C19orf25: variants seen among roughly 807,000 people sequenced by gnomAD.
The protein encoded by C19orf25 is UPF0449 protein C19orf25.
A neutral mutation model predicts 3.1 loss-of-function variants in C19orf25; 1 was observed. The observed-to-expected ratio is 0.32, with a 90% CI of 0.12 to 1.54. The LOEUF (loss-of-function observed/expected upper bound fraction) is 1.54, where lower values mean the gene tolerates loss of function less well. Among genes scored for constraint, C19orf25 ranks in the 40% most tolerant of loss-of-function variants. The probability of loss-of-function intolerance (pLI) is 0.38; values close to 1 mark genes in which losing one functional copy is unlikely to be tolerated. For synonymous variants in C19orf25, 91 were observed against 74.3 expected (o/e 1.23, Z -1.16); for missense variants, 196 against 160.4 (o/e 1.22, Z -1.20).
chr19:1,476,836 G>T (rs887568253), intron 2 of C19orf25, among the ~76,000 whole-genome samples: 15 of 152,090 alleles, frequency 9.9e-5, no homozygotes, highest in African/African-American at 3.6e-4. Context: ...GGCTGGTCTT[G>T]AACTCCTGGC....
intron 2 of C19orf25, chr19:1,478,423 GTT>G: frequency 1.0e-5 from 5 of 481,904 alleles, no homozygotes; most frequent in Non-Finnish European, 1.3e-5. Context: ...TTTTGTTTTT[GTT>G]TTTGTTTTTG....
At chr19:1,476,017 T>C (rs1446018079) in intron 2 of C19orf25, 5 of 394,802 alleles carry the variant, frequency 1.3e-5, no homozygotes, top group Non-Finnish European at 2.2e-5. Flanking sequence ...TGCAACCTCC[T>C]GGAGCACACA....
At chr19:1,477,352 A>C (rs1599178533) in intron 2 of C19orf25, among the ~76,000 whole-genome samples, 1 of 152,294 alleles carries the variant, frequency 6.6e-6, no homozygotes, top group African/African-American at 2.4e-5. Flanking sequence ...TGGGGCAGAC[A>C]TTCTTGTTTC....
At position 1,478,542 on chromosome 19, in the gene C19orf25, G is replaced by A; in HGVS notation, c.130+232C>T. On this transcript the variant is annotated intron_variant, in intron 2 of 2. Transcript: ENST00000585675. The stretch of plus-strand genomic sequence containing the variant: ...TCCCGCCTCATCCTCCGAAAGTGCT[G>A]GGCTTACAGGCCTGAACCACAGCGC... 2.3e-6 allele frequency: 3 copies of A among 1,288,434 alleles called. No individual in the cohort carries two copies. The South Asian group carries it at 6.1e-5, about 26-fold the overall frequency. The allele number at this position is 1,288,434 out of a possible 1,614,324, so 79.8% of individuals were successfully genotyped here. A position where few individuals can be genotyped will look rare whatever the true frequency, so the allele number is the denominator to read the frequency against.
intron 2 of C19orf25, among the ~76,000 whole-genome samples, chr19:1,477,524 G>A (rs930054574): frequency 3.9e-5 from 6 of 152,296 alleles, no homozygotes; most frequent in Admixed American, 1.3e-4. Flanking sequence ...CTTCCACCTC[G>A]TAAATCAGGA....
rs2084170732 is a variant in C19orf25 at position 1,473,493 on chromosome 19, G to A, written c.*1539C>T. Reference sequence around the variant, plus strand: ...CAGGGGGTGCACAGCACCCCAGACAGGGGGTCCAACCTGGGCATTGGTACC... The same window carrying A: ...CAGGGGGTGCACAGCACCCCAGACAAGGGGTCCAACCTGGGCATTGGTACC... On this transcript the variant is annotated 3_prime_UTR_variant, in exon 3 of 3. Transcript: ENST00000585675. The A allele has an allele frequency of 6.6e-6, 1 of 152,298 alleles. No homozygotes were observed. The highest frequency in any genetic ancestry group is 2.1e-4 in the South Asian group (1 of 4,832). 9.4% of individuals were successfully genotyped at this position (152,298 alleles called of 1,614,324 possible).
rs983028672 is a variant in C19orf25, at chr19:1,474,066, G to A, written c.*966C>T. 2 of 152,218 alleles carry A rather than the reference G, an allele frequency of 1.3e-5. No homozygotes were observed. The highest frequency in any genetic ancestry group is 3.9e-4 in the East Asian group (2 of 5,194). 9.4% of individuals were successfully genotyped at this position (152,218 alleles called of 1,614,324 possible). The stretch of plus-strand genomic sequence containing the variant: ...CAGGCGGACGGTCCCTGCATGCAGT[G>A]CCCGGCAGGACTGAGCAGGGTTCCC... On this transcript the variant is annotated 3_prime_UTR_variant, in exon 3 of 3. Transcript: ENST00000585675.
chr19:1,476,548 G>A (rs1012517919), intron 2 of C19orf25: 18 of 365,510 alleles, frequency 4.9e-5, no homozygotes, highest in African/African-American at 3.1e-4. Flanking sequence ...CAGATGATGC[G>A]CACACCTCCC....
At chr19:1,477,501 G>A (rs1217863905) in intron 2 of C19orf25, among the ~76,000 whole-genome samples, 1 of 152,194 alleles carries the variant, frequency 6.6e-6, no homozygotes, top group Non-Finnish European at 1.5e-5. Context: ...TGAATCCTTT[G>A]GTCTCTGACT....
intron 2 of C19orf25, among the ~76,000 whole-genome samples, chr19:1,476,700 T>C (rs1161398641): frequency 1.3e-5 from 2 of 152,174 alleles, no homozygotes; most frequent in Non-Finnish European, 2.9e-5. Context: ...GGCTGGAGAC[T>C]CCAACTCCTG....
rs1568194610 is a variant in C19orf25 at position 1,478,858 on chromosome 19, C to T, written c.46G>A (p.Ala16Thr). The T allele has an allele frequency of 1.9e-6, 3 of 1,594,596 alleles. No individual in the cohort carries two copies. The highest frequency in any genetic ancestry group is 2.6e-6 in the Non-Finnish European group (3 of 1,172,420). Residue 16 changes from alanine (A) to threonine (T), a missense_variant, in exon 2 of 3, where the codon GCG becomes ACG. Transcript: ENST00000585675. ...AGGATCTGCTCCACCGTGGGGGGCG[C>T]TGGGCGGGTGGGCAGCAGCACGCGC... Reference protein sequence around the residue: ...KKRVLLPTRPAPPTVEQILED... With the variant: ...KKRVLLPTRPTPPTVEQILED...
At position 1,479,203 on chromosome 19, in the gene C19orf25, C is replaced by A. The variant is rs2084239524; in HGVS notation, c.-43G>T. ...GAAAGCCCAGCGTCGACGACGCAGC[C>A]ACTTCCGATTCCGGTCGGAGCACCG... On this transcript the variant is annotated 5_prime_UTR_variant, in exon 1 of 3. Transcript: ENST00000585675. 4 of 1,254,080 alleles carry A rather than the reference C, an allele frequency of 3.2e-6. No individual in the cohort carries two copies. Among genetic ancestry groups the A allele is most frequent in the Non-Finnish European group, 4.0e-6 (4 of 998,166 alleles). 77.7% of individuals were successfully genotyped at this position (1,254,080 alleles called of 1,614,324 possible).
rs1008655558 is a variant in C19orf25 at position 1,474,148 on chromosome 19, A to G, written c.*884T>C. 1 of 152,210 alleles carries G rather than the reference A, an allele frequency of 6.6e-6. No individual in the cohort carries two copies. The highest frequency in any genetic ancestry group is 6.5e-5 in the Admixed American group (1 of 15,282). The allele number at this position is 152,210 out of a possible 1,614,324, so 9.4% of individuals were successfully genotyped here. On this transcript the variant is annotated 3_prime_UTR_variant, in exon 3 of 3. Coordinates refer to ENST00000585675, the MANE Select transcript of C19orf25 (RefSeq NM_152482.3). The stretch of plus-strand genomic sequence containing the variant: ...CCGGGGCCCCGGGACGGAGCCGCTC[A>G]CAGAGGCACCATTCAGACGGCCAGA...
Position 1,473,369 on chromosome 19 carries a change from A to T in C19orf25, c.*1663T>A, listed in dbSNP as rs2084168327. 1 of 152,264 alleles carries T rather than the reference A, an allele frequency of 6.6e-6. No individual in the cohort carries two copies. The highest frequency in any genetic ancestry group is 1.5e-5 in the Non-Finnish European group (1 of 68,074). The allele number at this position is 152,264 out of a possible 1,614,324, so 9.4% of individuals were successfully genotyped here. ...CTGGAAGCAGAGCCAGAAAGCAGAA[A>T]CTGGGGGCACAGGGTTTGTGGGCAC... On this transcript the variant is annotated 3_prime_UTR_variant, in exon 3 of 3. Coordinates refer to ENST00000585675, the MANE Select transcript of C19orf25 (RefSeq NM_152482.3).
chr19:1,476,789 G>A (rs2084209776), intron 2 of C19orf25, among the ~76,000 whole-genome samples: 1 of 151,892 alleles, frequency 6.6e-6, no homozygotes. Flanking sequence ...GCTAGTTTGT[G>A]TATTTTTGGT....
At position 1,478,812 on chromosome 19, in the gene C19orf25, G is replaced by A. The variant is rs1284154693; in HGVS notation, c.92C>T (p.Pro31Leu). The change falls in exon 2 of 3, where the codon CCG (proline) becomes CTG (leucine). Residue 31 changes from proline to leucine, a missense_variant. Pro to Leu is a moderately conservative substitution (Grantham distance 98). Transcript: ENST00000585675. ...GATGGTGAACACTGGATCCTCTGCC[G>A]GCGCACCCCGCACATCCTCCAGGAT... ...EQILEDVRGA[P>L]AEDPVFTILA... 1.3e-6 allele frequency: 2 copies of A among 1,586,728 alleles called. No individual in the cohort carries two copies. Among genetic ancestry groups the A allele is most frequent in the Admixed American group, 3.5e-5 (2 of 56,710 alleles).
chr19:1,474,994 C>A lies in C19orf25; in HGVS notation c.*38G>T. ...CCCCAGGGAAAGCCTGGGTGCAGGCCACCTTGTGCGCTGCCCAAGCCTGCA... is the reference window on the plus strand; with the variant it reads ...CCCCAGGGAAAGCCTGGGTGCAGGCAACCTTGTGCGCTGCCCAAGCCTGCA... On this transcript the variant is annotated 3_prime_UTR_variant, in exon 3 of 3. Transcript: ENST00000585675. 6.5e-7 allele frequency: 1 copy of A among 1,547,018 alleles called. No homozygotes were observed. Among genetic ancestry groups the A allele is most frequent in the African/African-American group, 1.4e-5 (1 of 73,454 alleles).
Position 1,474,087 on chromosome 19 carries a change from T to C in C19orf25, c.*945A>G, listed in dbSNP as rs1445290455. The stretch of plus-strand genomic sequence containing the variant: ...CAGTGCCCGGCAGGACTGAGCAGGG[T>C]TCCCGGGGTCGCCGGTACCCATCCC... On this transcript the variant is annotated 3_prime_UTR_variant, in exon 3 of 3. Coordinates refer to ENST00000585675, the MANE Select transcript of C19orf25 (RefSeq NM_152482.3). 6.6e-6 allele frequency: 1 copy of C among 152,120 alleles called. No homozygotes were observed. Among genetic ancestry groups the C allele is most frequent in the African/African-American group, 2.4e-5 (1 of 41,406 alleles). The allele number at this position is 152,120 out of a possible 1,614,324, so 9.4% of individuals were successfully genotyped here.
intron 2 of C19orf25, among the ~76,000 whole-genome samples, chr19:1,477,323 C>T (rs996070350): frequency 5.3e-5 from 8 of 152,310 alleles, no homozygotes; most frequent in Non-Finnish European, 1.2e-4. Flanking sequence ...ATTTGTTTCC[C>T]GCCAGCCCCA....
Sources: allele counts gnomAD v4.1 joint callset (sites outside exome capture counted in the v4.1 genomes callset), GRCh38; gene constraint gnomAD v4.1.1; transcripts MANE v1.5; gene names NCBI Gene and HGNC (gene_info 2026-07-23, HGNC 2026-07-21).